The following MSN variants were observed in gnomAD, a reference collection of about 807,000 sequenced individuals.
MSN encodes the protein moesin.
A neutral mutation model predicts 48.0 loss-of-function variants in MSN; 2 were observed. The observed-to-expected ratio is 0.04, with a 90% CI of 0.02 to 0.13. MSN has a LOEUF of 0.13. Among genes scored for constraint, MSN ranks in the 10% least tolerant of loss-of-function variants. The pLI, the probability that MSN is intolerant of heterozygous loss-of-function variation, is 1.00. For synonymous variants in MSN, 146 were observed against 166.9 expected, an observed-to-expected ratio of 0.87 and a Z score of 0.97; for missense variants, 267 against 470.1, an observed-to-expected ratio of 0.57 and a Z score of 3.99.
chrX:65,613,063 A>G, intron 1 of MSN, among the ~76,000 whole-genome samples: 1 of 110,715 alleles, frequency 9.0e-6, no homozygotes, highest in Middle Eastern at 4.6e-3. Context: ...TCAGTGTGTG[A>G]TGTTCCCTGT....
At chrX:65,716,992 ATCTC>A in intron 2 of MSN, 91 bp downstream of exon 2, 1 of 815,532 alleles carries the variant, frequency 1.2e-6, no homozygotes, top group Non-Finnish European at 1.8e-6. Context: ...TTGTCAAAGA[ATCTC>A]TCTTCCTGTT....
intron 1 of MSN, among the ~76,000 whole-genome samples, chrX:65,629,781 C>T (rs1364379340): frequency 8.9e-6 from 1 of 112,004 alleles, no homozygotes; most frequent in Non-Finnish European, 1.9e-5. Context: ...TACACCCCCA[C>T]CGGTCCCCAC....
At chrX:65,738,705 C>T in intron 11 of MSN, 88 bp downstream of exon 11, 1 of 909,956 alleles carries the variant, frequency 1.1e-6, no homozygotes. Context: ...TGTTTTGGCT[C>T]CCTCCCTCTT....
chrX:65,669,804 G>C (rs1341615092), intron 1 of MSN, among the ~76,000 whole-genome samples: 2 of 109,540 alleles, frequency 1.8e-5, no homozygotes, highest in Non-Finnish European at 3.8e-5. Context: ...GGACCTTGGA[G>C]ACTATTTAGT....
intron 1 of MSN, among the ~76,000 whole-genome samples, chrX:65,658,928 T>G (rs2070801977): frequency 9.2e-6 from 1 of 109,166 alleles, no homozygotes; most frequent in South Asian, 4.1e-4. Context: ...CACTGCAACC[T>G]CCACCTCCCG....
In MSN at chrX:65,608,438, G is replaced by GGT. The variant is rs751542072; in HGVS notation, c.-22+19845_-22+19846dup. Among the ~76,000 whole-genome samples the GGT allele has an allele frequency of 7.7e-3, 828 of 108,148 alleles. 3 individuals are homozygous for GGT. The highest frequency in any genetic ancestry group is 9.2e-3 in the Non-Finnish European group (476 of 51,775). The allele number at this position is 108,148 out of a possible 115,157, so 93.9% of individuals were successfully genotyped here. A position where few individuals can be genotyped will look rare whatever the true frequency, so the allele number is the denominator to read the frequency against. On this transcript the variant is annotated intron_variant, in intron 1 of 3. Coordinates refer to the MSN transcript ENST00000609672. ...CCCATGCAGGAATATGTGTATGTGA[G>GGT]GTGTGTGTGTGTGTGTGTGTATGCG... is the stretch of plus-strand genomic sequence containing the variant.
chrX:65,615,694 AAG>A (rs1189104927), intron 1 of MSN, among the ~76,000 whole-genome samples: 3 of 106,204 alleles, frequency 2.8e-5, no homozygotes, highest in African/African-American at 1.1e-4. Flanking sequence ...TGCTGTGCAG[AAG>A]CTCTTTAGTT....
At chrX:65,641,524 G>A (rs1460906925) in intron 1 of MSN, among the ~76,000 whole-genome samples, 61 of 63,365 alleles carry the variant, frequency 9.6e-4, no homozygotes, top group Non-Finnish European at 1.6e-3. Context: ...AGTGAGACTC[G>A]GTCTCAAAAA....
rs758172397 is a variant in MSN, at chrX:65,729,676, C to G, written c.431C>G (p.Ser144Cys). The G allele has an allele frequency of 8.3e-7, 1 of 1,211,094 alleles. No individual in the cohort carries two copies. Among genetic ancestry groups the G allele is most frequent in the Non-Finnish European group, 1.1e-6 (1 of 895,182 alleles). ...YGDFNKEVHKSGYLAGDKLLP... is the reference protein window; with the variant it reads ...YGDFNKEVHKCGYLAGDKLLP... ...GACTTCAATAAGGAAGTGCATAAGT[C>G]TGGCTACCTGGCCGGAGACAAGTTG... is the stretch of plus-strand genomic sequence containing the variant. The change falls in exon 4 of 13, where the codon TCT (serine) becomes TGT (cysteine). Residue 144 changes from serine (S) to cysteine (C), a missense_variant. Transcript: ENST00000360270.
At chrX:65,606,107 AT>A (rs1303779088) in intron 1 of MSN, among the ~76,000 whole-genome samples, 23 of 101,423 alleles carry the variant, frequency 2.3e-4, no homozygotes, top group African/African-American at 8.4e-4. Context: ...CATACCGAGG[AT>A]TTTTTTTGTT....
intron 1 of MSN, among the ~76,000 whole-genome samples, chrX:65,699,361 G>A (rs778737284): frequency 2.7e-5 from 3 of 111,718 alleles, no homozygotes; most frequent in Non-Finnish European, 3.8e-5. Context: ...TTCCCACCCT[G>A]TGTTACCAAT....
upstream of MSN, among the ~76,000 whole-genome samples, chrX:65,664,059 CA>C (rs773139397): frequency 0.023 from 946 of 40,320 alleles, 10 homozygotes; most frequent in African/African-American, 0.07. Context: ...GACTCCATCT[CA>C]AAAAAAAAAA....
intron 1 of MSN, among the ~76,000 whole-genome samples, chrX:65,693,540 T>C (rs1444631666): frequency 8.9e-6 from 1 of 111,952 alleles, no homozygotes; most frequent in African/African-American, 3.3e-5. Context: ...TAATTAATGG[T>C]GAGCATCCTA....
intron 1 of MSN, among the ~76,000 whole-genome samples, chrX:65,620,479 C>T (rs1360115191): frequency 3.5e-5 from 4 of 113,806 alleles, no homozygotes; most frequent in African/African-American, 1.3e-4. Context: ...TTCCAGGTGC[C>T]GTCCGTCACC....
chrX:65,669,810 T>G (rs1290666800), intron 1 of MSN, among the ~76,000 whole-genome samples: 3 of 110,254 alleles, frequency 2.7e-5, no homozygotes, highest in African/African-American at 9.9e-5. Flanking sequence ...TGGAGACTAT[T>G]TAGTACAACT....
At chrX:65,723,801 G>A (rs1338492572) in intron 2 of MSN, among the ~76,000 whole-genome samples, 1 of 111,165 alleles carries the variant, frequency 9.0e-6, no homozygotes, top group African/African-American at 3.3e-5. Context: ...ATCCATTTTT[G>A]TTCTTTGTTC....
chrX:65,713,918 T>C lies in MSN; in HGVS notation c.13-2900T>C, dbSNP rs766307668. On this transcript the variant is annotated intron_variant, in intron 1 of 12. Transcript: ENST00000360270. Reference sequence around the variant, plus strand: ...CCTCAGCCACCAAAGTAGCTGGGATTACAGGTGTGCACCACCTTGCCTGGC... The same window carrying C: ...CCTCAGCCACCAAAGTAGCTGGGATCACAGGTGTGCACCACCTTGCCTGGC... Among the ~76,000 whole-genome samples the C allele has an allele frequency of 1.7e-3, 190 of 111,681 alleles. 2 individuals carry two copies. The highest frequency in any genetic ancestry group is 4.9e-3 in the African/African-American group (149 of 30,705).
chrX:65,719,884 G>A (rs1026425711), intron 2 of MSN, among the ~76,000 whole-genome samples: 1 of 111,650 alleles, frequency 9.0e-6, no homozygotes, highest in African/African-American at 3.3e-5. Flanking sequence ...TGAACAAAGA[G>A]GTTTATTAAC....
chrX:65,731,769 C>G, intron 5 of MSN, 69 bp from the exon 6 acceptor site: 1 of 1,126,594 alleles, frequency 8.9e-7, no homozygotes. Context: ...ACAGAGTAAG[C>G]AGGCTTTCTA....
Sources: gnomAD v4.1 joint callset for allele counts (sites outside exome capture counted in the v4.1 genomes callset) on GRCh38, gnomAD v4.1.1 for gene constraint, MANE v1.5 for transcripts, NCBI Gene and HGNC (gene_info 2026-07-23, HGNC 2026-07-21) for gene names.